GLI2: variants seen among roughly 807,000 people sequenced by gnomAD.
The protein encoded by GLI2 is transcription activator GLI2.
GLI2 carries 22 observed loss-of-function variants against 78.9 expected under a neutral mutation model. The observed-to-expected ratio is 0.28, with a 90% CI of 0.20 to 0.40. The LOEUF is 0.40. GLI2 is among the 10% of genes least tolerant of loss of function. GLI2 has a pLI of 1.00. For missense variants in GLI2, 2,097 were observed against 2,213.2 expected (o/e 0.95, Z 1.05); for synonymous variants, 974 against 963.7 (o/e 1.01, Z -0.20).
intron 8 of GLI2, among the ~76,000 whole-genome samples, chr2:120,972,885 C>A (rs532686821): frequency 2.0e-5 from 3 of 152,112 alleles, no homozygotes; most frequent in Non-Finnish European, 4.4e-5. Context: ...AGACAGCATG[C>A]GGGCAGCCCC....
intron 1 of GLI2, among the ~76,000 whole-genome samples, chr2:120,758,245 C>T (rs910848234): frequency 1.3e-5 from 2 of 152,268 alleles, no homozygotes; most frequent in African/African-American, 4.8e-5. Context: ...TTACTCCTAG[C>T]ACCACACACA....
rs569953221 is a variant in GLI2, at chr2:120,824,168, G to A, written c.148+26700G>A. Among the ~76,000 whole-genome samples, 126 of 152,328 alleles carry A rather than the reference G, an allele frequency of 8.3e-4. 1 individual carries two copies. The highest frequency in any genetic ancestry group is 1.5e-3 in the Non-Finnish European group (103 of 68,036). On this transcript the variant is annotated intron_variant, in intron 2 of 13. Coordinates refer to ENST00000361492, the MANE Select transcript of GLI2 (RefSeq NM_001374353.1). The stretch of plus-strand genomic sequence containing the variant: ...TAAAGCACCAGTGGAACCCAGGTTC[G>A]GAGAAGCTAAGTCACTTACCCCACA...
At chr2:120,939,047 C>T (rs151080679) in intron 3 of GLI2, among the ~76,000 whole-genome samples, 93 of 152,192 alleles carry the variant, frequency 6.1e-4, no homozygotes, top group African/African-American at 2.0e-3. Context: ...TTTGGGAGGC[C>T]GAGGCAGGGG....
intron 5 of GLI2, among the ~76,000 whole-genome samples, chr2:120,967,869 C>T (rs994152056): frequency 1.3e-4 from 20 of 152,360 alleles, no homozygotes; most frequent in Admixed American, 7.8e-4. Flanking sequence ...GTCCTCGTGT[C>T]CTCCCTGCCC....
chr2:120,962,054 G>A (rs540963458), intron 5 of GLI2, among the ~76,000 whole-genome samples: 23 of 152,248 alleles, frequency 1.5e-4, no homozygotes, highest in Middle Eastern at 3.4e-3. Context: ...TTCCATGCAA[G>A]TCCACCCACA....
At chr2:120,790,316 C>A (rs1684111217) in intron 1 of GLI2, among the ~76,000 whole-genome samples, 1 of 152,168 alleles carries the variant, frequency 6.6e-6, no homozygotes, top group Non-Finnish European at 1.5e-5. Flanking sequence ...GGGGGTGCAT[C>A]CCCCTCACTG....
At position 120,803,190 on chromosome 2, in the gene GLI2, A is replaced by G. The variant is rs575675237; in HGVS notation, c.148+5722A>G. ...GCCTCTCTTAGTGCAGGCAGTGCTA[A>G]GGAAGTAGTGAGAAGCAGCCCAGGC... On this transcript the variant is annotated intron_variant, in intron 2 of 13. Coordinates refer to ENST00000361492, the MANE Select transcript of GLI2 (RefSeq NM_001374353.1). 5.2e-4 allele frequency among the ~76,000 whole-genome samples: 79 copies of G among 152,354 alleles called. 1 individual carries two copies. Among genetic ancestry groups the G allele is most frequent in the African/African-American group, 1.9e-3 (77 of 41,588 alleles).
chr2:120,960,471 G>A lies in GLI2; in HGVS notation c.643+5041G>A, dbSNP rs78946350. Among the ~76,000 whole-genome samples, 1,311 of 152,302 alleles carry A rather than the reference G, an allele frequency of 8.6e-3. 17 individuals carry two copies. The highest frequency in any genetic ancestry group is 0.028 in the African/African-American group (1,171 of 41,566). On this transcript the variant is annotated intron_variant, in intron 5 of 13. Coordinates refer to ENST00000361492, the MANE Select transcript of GLI2 (RefSeq NM_001374353.1). ...CACCGGTTTGCAAACCACCAGCCCA[G>A]TTTTTACCTTAGCTGAGTGCCACCT...
chr2:120,737,048 C>G lies in GLI2; in HGVS notation c.-31+763C>G, dbSNP rs1480152109. Among the ~76,000 whole-genome samples, 1 of 152,134 alleles carries G rather than the reference C, an allele frequency of 6.6e-6. No homozygotes were observed. Among genetic ancestry groups the G allele is most frequent in the East Asian group, 1.9e-4 (1 of 5,180 alleles). ...TCTCTCCCCACCCCCGACAATCTCT[C>G]AACAAGTATATTTGCTGAGGAATTT... On this transcript the variant is annotated intron_variant, in intron 1 of 13. Coordinates refer to ENST00000361492, the MANE Select transcript of GLI2 (RefSeq NM_001374353.1). This position sits in a 1 kb window ranked among gnomAD's most constrained non-coding sequence, Gnocchi z 4.3.
At chr2:120,846,305 C>T (rs917273722) in intron 2 of GLI2, among the ~76,000 whole-genome samples, 2 of 152,160 alleles carry the variant, frequency 1.3e-5, no homozygotes, top group Non-Finnish European at 2.9e-5. Context: ...GAGTTCTGGG[C>T]TCTCTGTTTC....
At chr2:120,882,344 C>T (rs1003698047) in intron 2 of GLI2, among the ~76,000 whole-genome samples, 4 of 152,210 alleles carry the variant, frequency 2.6e-5, no homozygotes, top group African/African-American at 9.7e-5. Context: ...CCGGGAGATG[C>T]TGCTTGGGCT....
intron 3 of GLI2, among the ~76,000 whole-genome samples, chr2:120,938,014 A>G (rs1680276773): frequency 6.6e-6 from 1 of 152,058 alleles, no homozygotes; most frequent in Non-Finnish European, 1.5e-5. Flanking sequence ...CTTATCTCCT[A>G]TTTCCTTATT....
chr2:120,842,057 TCAAA>T (rs1686908846), intron 2 of GLI2, among the ~76,000 whole-genome samples: 1 of 83,644 alleles, frequency 1.2e-5, no homozygotes, highest in African/African-American at 5.5e-5. Flanking sequence ...ATTTGTCAAC[TCAAA>T]AAAAAAAAAA....
At position 120,754,329 on chromosome 2, in the gene GLI2, A is replaced by G. The variant is rs114188505; in HGVS notation, c.-31+18044A>G. On this transcript the variant is annotated intron_variant, in intron 1 of 13. Transcript: ENST00000361492. ...CAGCGGAGTTTTTTTTTAAAAATGT[A>G]CAGTTTGATAAAGTTTGACTCGTGT... 2.9e-3 allele frequency among the ~76,000 whole-genome samples: 443 copies of G among 152,246 alleles called. 3 individuals are homozygous for G. The highest frequency in any genetic ancestry group is 9.9e-3 in the African/African-American group (413 of 41,536).
chr2:120,905,586 T>C (rs277528), intron 2 of GLI2, among the ~76,000 whole-genome samples: 13,359 of 152,232 alleles, frequency 0.088, 1,158 homozygotes, highest in African/African-American at 0.22. Flanking sequence ...ATGAGTTCTC[T>C]GTGTCTGGGA....
chr2:120,966,724 G>A (rs912895218), intron 5 of GLI2, among the ~76,000 whole-genome samples: 3 of 152,240 alleles, frequency 2.0e-5, no homozygotes, highest in East Asian at 1.9e-4. Flanking sequence ...CAGGGCTTGC[G>A]GCTTGTTCAG....
chr2:120,972,104 C>G (rs368824349), intron 8 of GLI2, 41 bp downstream of exon 8: 2 of 1,610,696 alleles, frequency 1.2e-6, no homozygotes, highest in East Asian at 2.2e-5. Context: ...CCAGCTAGGA[C>G]CAGGCTTGTG....
intron 2 of GLI2, among the ~76,000 whole-genome samples, chr2:120,823,216 T>C (rs576496307): frequency 1.4e-4 from 21 of 152,336 alleles, no homozygotes; most frequent in Non-Finnish European, 2.6e-4. Flanking sequence ...CTAAAGATCA[T>C]TTACCTGAAT....
rs1206940501 is a variant in GLI2, at chr2:120,970,520, G to A, written c.973G>A (p.Ala325Thr). The change falls in exon 7 of 14, where the codon GCC (alanine) becomes ACC (threonine). Residue 325 changes from alanine (A) to threonine (T), a missense_variant. By Grantham distance (58) the Ala-to-Thr change is moderately conservative (BLOSUM62 0). Coordinates refer to ENST00000361492, the MANE Select transcript of GLI2 (RefSeq NM_001374353.1). The stretch of plus-strand genomic sequence containing the variant: ...GATCCAGCCCTCACCCACCTTCCTG[G>A]CCCAGCAGCCCATGGCCCTCACCTC... ...PLIQPSPTFL[A>T]QQPMALTSIN... 1 of 1,613,914 alleles carries A rather than the reference G, an allele frequency of 6.2e-7. No homozygotes were observed. The highest frequency in any genetic ancestry group is 8.5e-7 in the Non-Finnish European group (1 of 1,179,990).
Sources: allele counts gnomAD v4.1 joint callset (sites outside exome capture counted in the v4.1 genomes callset), GRCh38; gene constraint gnomAD v4.1.1; non-coding constraint Gnocchi (gnomAD v3.1); transcripts MANE v1.5; gene names NCBI Gene and HGNC (gene_info 2026-07-23, HGNC 2026-07-21).